Variants in GFRA1 observed in about 807,000 individuals in gnomAD.
The protein encoded by GFRA1 is GDNF family receptor alpha-1.
A neutral mutation model predicts 51.6 loss-of-function variants in GFRA1; 16 were observed. The ratio of observed to expected loss-of-function variants is 0.31; its 90% CI spans 0.21 to 0.47. The LOEUF (loss-of-function observed/expected upper bound fraction) is 0.47. Ranked by LOEUF, GFRA1 falls within the 20% of genes least tolerant of loss-of-function variation. The probability of loss-of-function intolerance (pLI) is 1.00; values close to 1 mark genes in which losing one functional copy is unlikely to be tolerated. For synonymous variants in GFRA1, 270 were observed against 241.3 expected, an observed-to-expected ratio of 1.12 and a Z score of -1.10; for missense variants, 530 against 594.3, an observed-to-expected ratio of 0.89 and a Z score of 1.13.
intron 4 of GFRA1, among the ~76,000 whole-genome samples, chr10:116,217,857 G>T (rs1357515693): frequency 6.6e-6 from 1 of 152,138 alleles, no homozygotes; most frequent in East Asian, 1.9e-4. Context: ...TACCCAGAAA[G>T]TCTTCTATAA....
intron 5 of GFRA1, among the ~76,000 whole-genome samples, chr10:116,142,301 G>C (rs764784372): frequency 3.3e-5 from 5 of 152,130 alleles, no homozygotes; most frequent in Non-Finnish European, 5.9e-5. Context: ...CTTCCACTCT[G>C]GTCATGTTTA....
chr10:116,182,217 T>G (rs1319740972), intron 5 of GFRA1, among the ~76,000 whole-genome samples: 1 of 143,264 alleles, frequency 7.0e-6, no homozygotes, highest in Non-Finnish European at 1.5e-5. Context: ...TACAGTGCAA[T>G]GATGATAGTG....
chr10:116,216,331 G>A (rs934783731), intron 4 of GFRA1, among the ~76,000 whole-genome samples: 3 of 152,154 alleles, frequency 2.0e-5, no homozygotes, highest in Non-Finnish European at 1.5e-5. Flanking sequence ...ACAGAGCCAC[G>A]CAGGTTAAGT....
At chr10:116,274,519 C>T (rs916763902), upstream of GFRA1, among the ~76,000 whole-genome samples, 1 of 152,140 alleles carries the variant, frequency 6.6e-6, no homozygotes, top group Non-Finnish European at 1.5e-5. Flanking sequence ...AGGGTTGGGC[C>T]GCTCTCCATT....
intron 6 of GFRA1, among the ~76,000 whole-genome samples, chr10:116,104,949 T>C (rs1956952328): frequency 1.3e-5 from 2 of 152,208 alleles, no homozygotes; most frequent in African/African-American, 4.8e-5. Context: ...CTGATGGTCA[T>C]GGTACAAGAA....
chr10:116,246,173 T>C (rs772589436), intron 4 of GFRA1, among the ~76,000 whole-genome samples: 17 of 152,168 alleles, frequency 1.1e-4, no homozygotes, highest in Non-Finnish European at 2.5e-4. Context: ...GGCATGTTGG[T>C]TCATGCCTGT....
chr10:116,176,141 C>A (rs920959608), intron 5 of GFRA1, among the ~76,000 whole-genome samples: 1 of 152,160 alleles, frequency 6.6e-6, no homozygotes, highest in African/African-American at 2.4e-5. Context: ...ATAAATGTCA[C>A]ATGTTTGTGA....
At chr10:116,100,761 C>T (rs1017225355) in intron 6 of GFRA1, among the ~76,000 whole-genome samples, 5 of 152,116 alleles carry the variant, frequency 3.3e-5, no homozygotes, top group African/African-American at 1.2e-4. Context: ...AGAAATTTGC[C>T]AGGAGGGGAA....
At chr10:116,091,878 A>G (rs981164702) in intron 8 of GFRA1, among the ~76,000 whole-genome samples, 1 of 152,142 alleles carries the variant, frequency 6.6e-6, no homozygotes, top group African/African-American at 2.4e-5. Flanking sequence ...ATTTATTTTT[A>G]TTGAAAAGTC....
At chr10:116,081,505 T>C (rs1955849763) in intron 9 of GFRA1, among the ~76,000 whole-genome samples, 1 of 152,168 alleles carries the variant, frequency 6.6e-6, no homozygotes, top group Non-Finnish European at 1.5e-5. Context: ...CCATTTATAA[T>C]GGGGGCAGGG....
intron 5 of GFRA1, among the ~76,000 whole-genome samples, chr10:116,164,796 C>A (rs1960205439): frequency 6.6e-6 from 1 of 152,156 alleles, no homozygotes; most frequent in South Asian, 2.1e-4. Flanking sequence ...AGTTTGAGCC[C>A]TGCCAGACCC....
chr10:116,165,888 A>G (rs1024207433), intron 5 of GFRA1, among the ~76,000 whole-genome samples: 6 of 152,066 alleles, frequency 3.9e-5, no homozygotes, highest in African/African-American at 1.2e-4. Flanking sequence ...AGATTATTTC[A>G]TCACCCAGGT....
intron 5 of GFRA1, among the ~76,000 whole-genome samples, chr10:116,142,212 T>C (rs967275102): frequency 6.6e-6 from 1 of 152,178 alleles, no homozygotes; most frequent in Non-Finnish European, 1.5e-5. Context: ...AGTGGTTGTG[T>C]TTGTTATACA....
intron 5 of GFRA1, among the ~76,000 whole-genome samples, chr10:116,184,361 G>A (rs946925064): frequency 6.6e-6 from 1 of 152,206 alleles, no homozygotes; most frequent in African/African-American, 2.4e-5. Flanking sequence ...GCTTGGAGGA[G>A]GGCAGGTGAC....
chr10:116,157,355 C>T (rs772750073), intron 5 of GFRA1, among the ~76,000 whole-genome samples: 4 of 152,166 alleles, frequency 2.6e-5, no homozygotes, highest in Admixed American at 6.5e-5. Context: ...CCAGAAGGGG[C>T]AGAAACACTG....
At chr10:116,226,846 C>A in intron 4 of GFRA1, 1 of 317,634 alleles carries the variant, frequency 3.1e-6, no homozygotes, top group Non-Finnish European at 6.4e-6. Context: ...ATTAGATTCT[C>A]ATAAGGAGCA....
At chr10:116,249,127 C>A (rs1474275904) in intron 4 of GFRA1, among the ~76,000 whole-genome samples, 9 of 152,226 alleles carry the variant, frequency 5.9e-5, no homozygotes, top group Non-Finnish European at 1.5e-5. Flanking sequence ...GTGCTCAGAG[C>A]ATCATCTGCT....
At chr10:116,248,830 G>A (rs2420257) in intron 4 of GFRA1, among the ~76,000 whole-genome samples, 41,431 of 152,038 alleles carry the variant, frequency 0.27, 5,763 homozygotes, top group East Asian at 0.35. Context: ...CCAGATGGGT[G>A]TAGCTGGTCC....
At chr10:116,069,608 G>C (rs1228612077) in intron 9 of GFRA1, among the ~76,000 whole-genome samples, 1 of 152,166 alleles carries the variant, frequency 6.6e-6, no homozygotes, top group Non-Finnish European at 1.5e-5. Context: ...CTGTAATTGT[G>C]GGGGGACAGA....
Sources: gnomAD v4.1 joint callset for allele counts (sites outside exome capture counted in the v4.1 genomes callset) on GRCh38, gnomAD v4.1.1 for gene constraint, MANE v1.5 for transcripts, NCBI Gene and HGNC (gene_info 2026-07-23, HGNC 2026-07-21) for gene names.